The following SIPA1L1 variants were observed in gnomAD, a reference collection of about 807,000 sequenced individuals.
The protein encoded by SIPA1L1 is signal induced proliferation associated 1 like 1.
A neutral mutation model predicts 162.7 loss-of-function variants in SIPA1L1; 26 were observed. That is an observed-to-expected ratio of 0.16 (90% CI 0.12 to 0.22). The LOEUF (loss-of-function observed/expected upper bound fraction) is 0.22, where lower values mean the gene tolerates loss of function less well. SIPA1L1 is among the 10% of genes least tolerant of loss of function. SIPA1L1 has a pLI of 1.00. For synonymous variants in SIPA1L1, 829 were observed against 837.4 expected (o/e 0.99, Z 0.17); for missense variants, 1,874 against 2,241.0 (o/e 0.84, Z 3.31).
intron 12 of SIPA1L1, among the ~76,000 whole-genome samples, chr14:71,679,651 A>G (rs2045587145): frequency 6.6e-6 from 1 of 152,262 alleles, no homozygotes; most frequent in Non-Finnish European, 1.5e-5. Context: ...AATTTGATAG[A>G]GTCAAGACCC....
intron 2 of SIPA1L1, among the ~76,000 whole-genome samples, chr14:71,426,354 G>A (rs1454028565): frequency 6.7e-6 from 1 of 148,564 alleles, no homozygotes; most frequent in East Asian, 2.0e-4. Context: ...GTATTTGTTT[G>A]TTTGTTTGTT....
intron 19 of SIPA1L1, among the ~76,000 whole-genome samples, chr14:71,728,408 G>A (rs929535006): frequency 2.6e-5 from 4 of 152,296 alleles, no homozygotes; most frequent in East Asian, 3.9e-4. Context: ...AAGTACATAC[G>A]TACCTTGGAT....
chr14:71,707,953 T>C (rs1268945327), intron 16 of SIPA1L1, among the ~76,000 whole-genome samples: 1 of 151,834 alleles, frequency 6.6e-6, no homozygotes, highest in Non-Finnish European at 1.5e-5. Context: ...GATTCGTATT[T>C]CCCTAATAAC....
chr14:71,337,263 C>A (rs757280105), intron 2 of SIPA1L1, among the ~76,000 whole-genome samples: 2 of 152,124 alleles, frequency 1.3e-5, no homozygotes, highest in African/African-American at 4.8e-5. Context: ...ATCTTCAGTT[C>A]GTTTTCAGTT....
At chr14:71,617,502 A>T (rs1043554030) in intron 5 of SIPA1L1, among the ~76,000 whole-genome samples, 10 of 152,270 alleles carry the variant, frequency 6.6e-5, no homozygotes, top group Non-Finnish European at 1.0e-4. Context: ...CTTCTTTTGA[A>T]TTTCCATGGC....
At chr14:71,577,083 A>G (rs1023771046) in intron 4 of SIPA1L1, among the ~76,000 whole-genome samples, 2 of 151,538 alleles carry the variant, frequency 1.3e-5, no homozygotes, top group East Asian at 1.9e-4. Context: ...AAAAAAAAAA[A>G]AAGAAGAAAA....
At chr14:71,590,773 C>T (rs140203273) in intron 5 of SIPA1L1, among the ~76,000 whole-genome samples, 1 of 152,260 alleles carries the variant, frequency 6.6e-6, no homozygotes, top group Non-Finnish European at 1.5e-5. Flanking sequence ...CAAGGTTTCT[C>T]ATTCTTGCCA....
chr14:71,735,137 G>C (rs1157562216), intron 21 of SIPA1L1, 140 bp from the exon 22 acceptor site: 3 of 655,134 alleles, frequency 4.6e-6, no homozygotes, highest in Non-Finnish European at 8.3e-6. Flanking sequence ...TTCCCTGTGA[G>C]GGTTGGGAAA....
chr14:71,597,963 A>G (rs977363825), intron 5 of SIPA1L1, among the ~76,000 whole-genome samples: 50 of 152,212 alleles, frequency 3.3e-4, no homozygotes, highest in African/African-American at 1.2e-3. Flanking sequence ...AAATGAATGA[A>G]TGTTTGTTGC....
chr14:71,680,835 G>A (rs981680112), intron 12 of SIPA1L1, among the ~76,000 whole-genome samples: 4 of 152,114 alleles, frequency 2.6e-5, no homozygotes, highest in Non-Finnish European at 4.4e-5. Context: ...AGAGGGCCTC[G>A]GGTCTTTATA....
At chr14:71,451,266 G>A (rs897664986) in intron 2 of SIPA1L1, among the ~76,000 whole-genome samples, 1 of 151,278 alleles carries the variant, frequency 6.6e-6, no homozygotes, top group African/African-American at 2.4e-5. Context: ...TAGGGAGGGG[G>A]ATATTTGATA....
intron 4 of SIPA1L1, among the ~76,000 whole-genome samples, chr14:71,536,953 C>T (rs1036354890): frequency 1.3e-5 from 2 of 152,002 alleles, no homozygotes; most frequent in Non-Finnish European, 2.9e-5. Flanking sequence ...GCCTGTTTTT[C>T]TTTTATGGAA....
chr14:71,399,474 A>G (rs1394239954), intron 2 of SIPA1L1, among the ~76,000 whole-genome samples: 4 of 151,816 alleles, frequency 2.6e-5, no homozygotes, highest in Non-Finnish European at 5.9e-5. Context: ...GTACTATCGT[A>G]GCTCACTATA....
intron 2 of SIPA1L1, among the ~76,000 whole-genome samples, chr14:71,416,604 C>T (rs1429098728): frequency 6.6e-6 from 1 of 152,004 alleles, no homozygotes; most frequent in Non-Finnish European, 1.5e-5. Flanking sequence ...ACAGTTCTCC[C>T]AACCTGTTGG....
chr14:71,400,749 C>T (rs2041609188), intron 2 of SIPA1L1: 1 of 151,862 alleles, frequency 6.6e-6, no homozygotes, highest in Admixed American at 6.6e-5. Context: ...AATATAATGC[C>T]TTCCAGCTTC....
chr14:71,712,921 T>G (rs771103472), intron 17 of SIPA1L1, among the ~76,000 whole-genome samples: 1 of 152,202 alleles, frequency 6.6e-6, no homozygotes, highest in Admixed American at 6.5e-5. Context: ...TACCCACTTA[T>G]GCGATCACAT....
intron 4 of SIPA1L1, among the ~76,000 whole-genome samples, chr14:71,568,739 G>T (rs2031305376): frequency 6.6e-6 from 1 of 152,144 alleles, no homozygotes; most frequent in Non-Finnish European, 1.5e-5. Context: ...GTTGCAAAAG[G>T]ATACATTCCA....
At chr14:71,364,632 G>A (rs1050074771) in intron 2 of SIPA1L1, among the ~76,000 whole-genome samples, 1 of 152,110 alleles carries the variant, frequency 6.6e-6, no homozygotes, top group Admixed American at 6.5e-5. Flanking sequence ...GTGATTATGT[G>A]TCTTGGTTTT....
At chr14:71,599,735 CAGTGTATG>C (rs1186730452) in intron 5 of SIPA1L1, among the ~76,000 whole-genome samples, 19 of 152,204 alleles carry the variant, frequency 1.2e-4, no homozygotes, top group African/African-American at 4.6e-4. Flanking sequence ...AATCCATCAA[CAGTGTATG>C]AGTTCCCTTT....
Sources: allele counts gnomAD v4.1 joint callset (sites outside exome capture counted in the v4.1 genomes callset), GRCh38; gene constraint gnomAD v4.1.1; transcripts MANE v1.5; gene names NCBI Gene and HGNC (gene_info 2026-07-23, HGNC 2026-07-21).